ACADL: variants seen among roughly 807,000 people sequenced by gnomAD.
ACADL encodes the protein long-chain specific acyl-CoA dehydrogenase, mitochondrial.
Under a neutral mutation model 56.9 loss-of-function variants are expected in ACADL, and 60 were observed. The ratio of observed to expected loss-of-function variants is 1.05; its 90% CI spans 0.86 to 1.31. The LOEUF (loss-of-function observed/expected upper bound fraction) is 1.31. Ranked by LOEUF, ACADL falls within the 50% of genes most tolerant of loss-of-function variation. The pLI, the probability that ACADL is intolerant of heterozygous loss-of-function variation, is 0.00. For synonymous variants in ACADL, 158 were observed against 179.7 expected, an observed-to-expected ratio of 0.88 and a Z score of 0.97; for missense variants, 484 against 525.5, an observed-to-expected ratio of 0.92 and a Z score of 0.77.
At chr2:210,198,937 C>A (rs73065819) in intron 8 of ACADL, among the ~76,000 whole-genome samples, 2,590 of 152,110 alleles carry the variant, frequency 0.017, 79 homozygotes, top group African/African-American at 0.06. Flanking sequence ...ATTGCTACAT[C>A]CATACGTAGG....
chr2:210,207,355 A>G (rs956883230), intron 5 of ACADL, among the ~76,000 whole-genome samples: 1 of 152,056 alleles, frequency 6.6e-6, no homozygotes, highest in Non-Finnish European at 1.5e-5. Context: ...GCACTAGCTT[A>G]CCTCTCCTTA....
rs1575668861 is a variant in ACADL at position 210,189,131 on chromosome 2, A to G, written c.1200-77T>C. On this transcript the variant is annotated intron_variant, in intron 10 of 10. Transcript: ENST00000233710. ...AATTTTGTCTTACCAGGTAACTCAT[A>G]AACTATTCAATTAGTGAAGTACAAA... 21 of 998,398 alleles carry G rather than the reference A, an allele frequency of 2.1e-5. No individual in the cohort carries two copies. In the East Asian group the frequency reaches 5.0e-4, roughly 24 times the overall value. 61.8% of individuals were successfully genotyped at this position (998,398 alleles called of 1,614,324 possible). A position where few individuals can be genotyped will look rare whatever the true frequency, so the allele number is the denominator to read the frequency against.
At chr2:210,216,317 G>A (rs1689084972) in intron 4 of ACADL, 30 bp downstream of exon 4, 6 of 1,611,706 alleles carry the variant, frequency 3.7e-6, no homozygotes, top group Non-Finnish European at 5.1e-6. Flanking sequence ...CTGCTTCCAA[G>A]AATCCAAAGC....
chr2:210,214,687 T>C (rs1182416888), intron 4 of ACADL, among the ~76,000 whole-genome samples: 2 of 152,202 alleles, frequency 1.3e-5, no homozygotes, highest in African/African-American at 4.8e-5. Flanking sequence ...TTCTATAGCC[T>C]CTTTTTGAGA....
At chr2:210,204,191 A>G (rs973959229) in intron 7 of ACADL, among the ~76,000 whole-genome samples, 6 of 152,152 alleles carry the variant, frequency 3.9e-5, no homozygotes. Flanking sequence ...TTCAGTCTGA[A>G]TTTTATACTT....
Position 210,220,785 on chromosome 2 carries a change from C to G in ACADL, c.95G>C (p.Gly32Ala), listed in dbSNP as rs757078002. 6.2e-7 allele frequency: 1 copy of G among 1,607,654 alleles called. No homozygotes were observed. Among genetic ancestry groups the G allele is most frequent in the East Asian group, 2.2e-5 (1 of 44,726 alleles). ...LPAARCSHSG[G>A]EERLETPSAK... ...AGAAGGAGTTTCTAGACGTTCTTCC[C>G]CTCCGGAATGAGAACATCTTAAAAA... Residue 32 changes from glycine to alanine, a missense_variant, in exon 2 of 11, where the codon GGG becomes GCG. Physicochemically the swap from Gly to Ala is moderately conservative, Grantham distance 60. Coordinates refer to ENST00000233710, the MANE Select transcript of ACADL (RefSeq NM_001608.4).
rs749778106 is a variant in ACADL, at chr2:210,189,046, A to T, written c.1208T>A (p.Val403Glu). ...ATAGATTGGCTGAACTCTGGCATCC[A>T]CATAAGCTCTGGATAAATCAGATGA... ...MWEYPIAKAY[V>E]DARVQPIYGG... The change falls in exon 11 of 11, where the codon GTG (valine) becomes GAG (glutamate). Residue 403 changes from valine to glutamate, a missense_variant. Transcript: ENST00000233710. 3.7e-6 allele frequency: 6 copies of T among 1,609,838 alleles called. No individual in the cohort carries two copies. Among genetic ancestry groups the T allele is most frequent in the South Asian group, 2.2e-5 (2 of 90,980 alleles).
chr2:210,218,253 T>C, intron 2 of ACADL, 151 bp from the exon 3 acceptor site: 1 of 690,986 alleles, frequency 1.4e-6, no homozygotes, highest in Non-Finnish European at 2.4e-6. Context: ...TGCCTCTGAC[T>C]CTTTTATCAC....
chr2:210,225,126 C>T, intron 1 of ACADL, 61 bp downstream of exon 1: 2 of 1,527,062 alleles, frequency 1.3e-6, no homozygotes, highest in Non-Finnish European at 1.7e-6. Context: ...ACAGGAGTGA[C>T]TCGCTGCCCC....
At chr2:210,192,474 A>G (rs1688648979) in intron 10 of ACADL, among the ~76,000 whole-genome samples, 1 of 152,212 alleles carries the variant, frequency 6.6e-6, no homozygotes, top group South Asian at 2.1e-4. Flanking sequence ...TGGGTGACAG[A>G]GCGAGACTGT....
intron 7 of ACADL, 29 bp from the exon 8 acceptor site, chr2:210,203,473 TTACTC>T (rs1442945673): frequency 1.5e-6 from 2 of 1,372,578 alleles, no homozygotes; most frequent in Non-Finnish European, 1.0e-6. Context: ...GTCTTAAACA[TTACTC>T]TAATTATGCA....
intron 1 of ACADL, among the ~76,000 whole-genome samples, chr2:210,223,786 C>T (rs1359233626): frequency 1.3e-5 from 2 of 152,092 alleles, no homozygotes; most frequent in Admixed American, 6.5e-5. Flanking sequence ...TTCATAAAAA[C>T]TGTTATTTAT....
chr2:210,197,859 C>T (rs1385166908), intron 8 of ACADL, among the ~76,000 whole-genome samples: 1 of 152,136 alleles, frequency 6.6e-6, no homozygotes, highest in Non-Finnish European at 1.5e-5. Flanking sequence ...CAGTGAAGTC[C>T]AGAGGTCTGA....
At chr2:210,190,921 TTG>T (rs1688622751) in intron 10 of ACADL, among the ~76,000 whole-genome samples, 1 of 59,284 alleles carries the variant, frequency 1.7e-5, no homozygotes, top group Non-Finnish European at 5.0e-5. Context: ...TTGTTGTTGT[TTG>T]TTTTTTTTTT....
Position 210,195,243 on chromosome 2 carries a change from C to G in ACADL, c.1080G>C (p.Leu360Phe), listed in dbSNP as rs781294180. ...TCGCCATGCAAGCAGTGGCGGAGTC[C>G]AAACGTTTCGCTTCATGCAGCTGGA... ...NCLQLHEAKR[L>F]DSATACMAKY... Residue 360 changes from leucine (L) to phenylalanine (F), a missense_variant, in exon 9 of 11, where the codon TTG (leucine) becomes TTC (phenylalanine). Leu to Phe is a conservative substitution (Grantham distance 22). Coordinates refer to ENST00000233710, the MANE Select transcript of ACADL (RefSeq NM_001608.4). 1.2e-6 allele frequency: 2 copies of G among 1,613,864 alleles called. No homozygotes were observed. Among genetic ancestry groups the G allele is most frequent in the Non-Finnish European group, 1.7e-6 (2 of 1,179,924 alleles).
Position 210,218,285 on chromosome 2 carries a change from C to CTTTTTTTTTTT in ACADL, c.234-194_234-184dup, listed in dbSNP as rs35116912. On this transcript the variant is annotated intron_variant, in intron 2 of 10. Coordinates refer to ENST00000233710, the MANE Select transcript of ACADL (RefSeq NM_001608.4). ...TCACTTCTGTTCCTCCTTTTTTCTG[C>CTTTTTTTTTTT]TTTTTTTTTTTTTTTTTTTTGAGAC... Among the ~76,000 whole-genome samples the CTTTTTTTTTTT allele has an allele frequency of 1.8e-4, 17 of 95,370 alleles. 1 individual carries two copies. Among genetic ancestry groups the CTTTTTTTTTTT allele is most frequent in the Non-Finnish European group, 2.5e-4 (13 of 53,026 alleles). The allele number at this position is 95,370 out of a possible 152,430, so 62.6% of individuals were successfully genotyped here.
At position 210,205,702 on chromosome 2, in the gene ACADL, A is replaced by C. The variant is rs1471144358; in HGVS notation, c.698T>G (p.Phe233Cys). The change falls in exon 6 of 11, where the codon TTT (phenylalanine) becomes TGT (cysteine). Residue 233 changes from phenylalanine to cysteine, a missense_variant. Coordinates refer to ENST00000233710, the MANE Select transcript of ACADL (RefSeq NM_001608.4). ...TCCTTTCATTCCATTTTCCACCAGA[A>C]AAAGGCTAATACCATGGGCAGGGGA... ...APSPAHGISL[F>C]LVENGMKGFI... The C allele has an allele frequency of 6.2e-7, 1 of 1,613,898 alleles. No homozygotes were observed. The highest frequency in any genetic ancestry group is 8.5e-7 in the Non-Finnish European group (1 of 1,179,958).
At chr2:210,196,576 G>A (rs1014922142) in intron 8 of ACADL, among the ~76,000 whole-genome samples, 7 of 152,086 alleles carry the variant, frequency 4.6e-5, no homozygotes, top group Non-Finnish European at 7.4e-5. Context: ...GTGTATATCT[G>A]TTCTCTTTGG....
In ACADL at chr2:210,220,819, T is replaced by C. The variant is rs747595486; in HGVS notation, c.78-17A>G. On this transcript the variant is annotated splice_polypyrimidine_tract_variant and intron_variant, in intron 1 of 10. Transcript: ENST00000233710. ...TGAGAACATCTTAAAAATATATATA[T>C]GCAATAGGAAAAGTAAGTGAATTGT... is the stretch of plus-strand genomic sequence containing the variant. 6.4e-7 allele frequency: 1 copy of C among 1,566,158 alleles called. No individual in the cohort carries two copies. The highest frequency in any genetic ancestry group is 1.1e-5 in the South Asian group (1 of 87,610).
Sources: gnomAD v4.1 joint callset for allele counts (sites outside exome capture counted in the v4.1 genomes callset) on GRCh38, gnomAD v4.1.1 for gene constraint, MANE v1.5 for transcripts, NCBI Gene and HGNC (gene_info 2026-07-23, HGNC 2026-07-21) for gene names.